The following PTPRD variants were observed in gnomAD, a reference collection of about 807,000 sequenced individuals.
The protein encoded by PTPRD is protein tyrosine phosphatase receptor type D.
In PTPRD, 34 loss-of-function variants were observed where a neutral mutation model predicts 214.5. That is an observed-to-expected ratio of 0.16 (90% CI 0.12 to 0.21). PTPRD has a LOEUF of 0.21. Among genes scored for constraint, PTPRD ranks in the 10% least tolerant of loss-of-function variants. The pLI is 1.00. For missense variants in PTPRD, 2,545 were observed against 2,398.7 expected, an observed-to-expected ratio of 1.06 and a Z score of -1.27; for synonymous variants, 1,128 against 845.7, an observed-to-expected ratio of 1.33 and a Z score of -5.79.
chr9:8,483,579 G>A (rs1019026384), intron 30 of PTPRD, among the ~76,000 whole-genome samples: 3 of 151,876 alleles, frequency 2.0e-5, no homozygotes, highest in African/African-American at 7.3e-5. Context: ...GGTGAAACCC[G>A]GTCTCTACTA....
chr9:9,946,057 G>GTTGGGAAAGCCACCCTTCCCTTTCCCAC (rs2092501672), intron 4 of PTPRD, among the ~76,000 whole-genome samples: 1 of 151,118 alleles, frequency 6.6e-6, no homozygotes, highest in African/African-American at 2.4e-5. Context: ...TCCTTTCCCA[G>GTTGGGAAAGCCACCCTTCCCTTTCCCAC]TTGGGAAAGT....
intron 7 of PTPRD, among the ~76,000 whole-genome samples, chr9:9,588,754 G>T (rs1271373465): frequency 2.0e-5 from 3 of 151,916 alleles, no homozygotes; most frequent in Non-Finnish European, 4.4e-5. Flanking sequence ...TACGGGAACT[G>T]CATCAATATG....
At chr9:9,866,557 C>T (rs537222594) in intron 5 of PTPRD, among the ~76,000 whole-genome samples, 148 of 152,140 alleles carry the variant, frequency 9.7e-4, no homozygotes, top group African/African-American at 3.2e-3. Flanking sequence ...ATATACATAA[C>T]TATCCGCTCA....
intron 2 of PTPRD, among the ~76,000 whole-genome samples, chr9:10,609,573 A>T (rs2133750639): frequency 6.6e-6 from 1 of 151,998 alleles, no homozygotes; most frequent in Admixed American, 6.6e-5. Context: ...CTTTTCACTT[A>T]CTCTCCAGCA....
chr9:9,643,587 A>G lies in PTPRD; in HGVS notation c.-286-68806T>C, dbSNP rs549653090. Among the ~76,000 whole-genome samples the G allele has an allele frequency of 2.0e-5, 3 of 152,308 alleles. No homozygotes were observed. In the South Asian group the frequency reaches 6.2e-4, roughly 32 times the overall value. On this transcript the variant is annotated intron_variant, in intron 7 of 45. Transcript: ENST00000381196. ...TCCTTTCTTAGCATCCTCACCTTAT[A>G]AAATTAATAGATCCTCACTTTTAAA...
chr9:8,339,423 A>G (rs925728535), intron 42 of PTPRD, among the ~76,000 whole-genome samples: 1 of 152,122 alleles, frequency 6.6e-6, no homozygotes, highest in Non-Finnish European at 1.5e-5. Context: ...GCACCACCAC[A>G]GCATACTTGC....
At chr9:9,172,030 A>C (rs1159557782) in intron 10 of PTPRD, among the ~76,000 whole-genome samples, 1 of 152,142 alleles carries the variant, frequency 6.6e-6, no homozygotes, top group Non-Finnish European at 1.5e-5. Flanking sequence ...TTAGTAATTC[A>C]GGTAACTCAC....
At chr9:10,047,194 G>A (rs1305316329) in intron 3 of PTPRD, among the ~76,000 whole-genome samples, 1 of 151,432 alleles carries the variant, frequency 6.6e-6, no homozygotes, top group Non-Finnish European at 1.5e-5. Flanking sequence ...ATGAAGGAGT[G>A]GCACTGGTGT....
At chr9:8,999,634 T>A (rs1247935205) in intron 11 of PTPRD, among the ~76,000 whole-genome samples, 1 of 151,998 alleles carries the variant, frequency 6.6e-6, no homozygotes, top group Non-Finnish European at 1.5e-5. Flanking sequence ...CGAGGTATGC[T>A]TTTAAAAATA....
Position 8,317,575 on chromosome 9 carries a change from T to C in PTPRD, c.*299A>G. ...AAGCAATCCTGAATAAGATGGTGGT[T>C]CTTTGCTGTGATTTCTTCTTCCCTT... On this transcript the variant is annotated 3_prime_UTR_variant, in exon 46 of 46. Coordinates refer to ENST00000381196, the MANE Select transcript of PTPRD (RefSeq NM_002839.4). The C allele has an allele frequency of 3.1e-6, 1 of 322,346 alleles. No individual in the cohort carries two copies. Among genetic ancestry groups the C allele is most frequent in the Non-Finnish European group, 5.9e-6 (1 of 168,478 alleles). The allele number at this position is 322,346 out of a possible 1,614,324, so 20.0% of individuals were successfully genotyped here. A position where few individuals can be genotyped will look rare whatever the true frequency, so the allele number is the denominator to read the frequency against.
chr9:8,718,177 C>T (rs1335139646), intron 12 of PTPRD, among the ~76,000 whole-genome samples: 2 of 152,074 alleles, frequency 1.3e-5, no homozygotes, highest in Admixed American at 6.6e-5. Context: ...TGTTGGTGAT[C>T]ATAATTTGTC....
intron 2 of PTPRD, among the ~76,000 whole-genome samples, chr9:10,499,937 C>G (rs150700750): frequency 1.3e-5 from 2 of 151,806 alleles, no homozygotes; most frequent in East Asian, 3.9e-4. Flanking sequence ...AGCAGAGATT[C>G]CTGGAGGATG....
intron 36 of PTPRD, among the ~76,000 whole-genome samples, chr9:8,401,472 G>GT (rs2092381490): frequency 6.6e-6 from 1 of 152,122 alleles, no homozygotes; most frequent in South Asian, 2.1e-4. Flanking sequence ...ATTCAATTCT[G>GT]TTTCCATACT....
intron 10 of PTPRD, among the ~76,000 whole-genome samples, chr9:9,019,328 GAA>G (rs1569429615): frequency 1.7e-3 from 60 of 36,040 alleles, no homozygotes; most frequent in African/African-American, 2.8e-3. Context: ...AAGAAAGAAA[GAA>G]AGAAAGAACG....
rs986438033 is a variant in PTPRD at position 9,840,788 on chromosome 9, A to C, written c.-367-73937T>G. Among the ~76,000 whole-genome samples, 13 of 144,586 alleles carry C rather than the reference A, an allele frequency of 9.0e-5. No homozygotes were observed. In the South Asian group the frequency reaches 2.8e-3, roughly 31 times the overall value. The allele number at this position is 144,586 out of a possible 152,430, so 94.9% of individuals were successfully genotyped here. A position where few individuals can be genotyped will look rare whatever the true frequency, so the allele number is the denominator to read the frequency against. Reference sequence around the variant, plus strand: ...AAAAAAAAAAAAAAAAAAAAAAAAAAAAAAAAAAAAACAGAAAGGGGAAGG... The same window carrying C: ...AAAAAAAAAAAAAAAAAAAAAAAAACAAAAAAAAAAACAGAAAGGGGAAGG... On this transcript the variant is annotated intron_variant, in intron 5 of 45. Coordinates refer to ENST00000381196, the MANE Select transcript of PTPRD (RefSeq NM_002839.4).
chr9:8,901,739 A>G (rs10815990), intron 11 of PTPRD, among the ~76,000 whole-genome samples: 22,883 of 152,210 alleles, frequency 0.15, 2,218 homozygotes, highest in Non-Finnish European at 0.21. Context: ...ATTGCATCAC[A>G]TTATTCATTG....
intron 11 of PTPRD, among the ~76,000 whole-genome samples, chr9:8,741,844 C>T (rs1269026343): frequency 6.6e-6 from 1 of 152,006 alleles, no homozygotes; most frequent in Admixed American, 6.6e-5. Flanking sequence ...CCATCTCAGC[C>T]TCCCAAAGTG....
In PTPRD at chr9:9,431,774, A is replaced by G. The variant is rs867306595; in HGVS notation, c.-236-34292T>C. Among the ~76,000 whole-genome samples the G allele has an allele frequency of 1.1e-3, 163 of 151,886 alleles. 1 individual carries two copies. Among genetic ancestry groups the G allele is most frequent in the African/African-American group, 3.8e-3 (156 of 41,410 alleles). On this transcript the variant is annotated intron_variant, in intron 8 of 45. Transcript: ENST00000381196. ...TGTAGGGAGATGGATGAAGCTGGAA[A>G]CCATCATTCTGAGCAAACTATCACA... is the stretch of plus-strand genomic sequence containing the variant.
intron 4 of PTPRD, among the ~76,000 whole-genome samples, chr9:9,995,512 A>G (rs1555446403): frequency 6.6e-6 from 1 of 152,072 alleles, no homozygotes; most frequent in Non-Finnish European, 1.5e-5. Context: ...CTTCAGATCC[A>G]TTCTCCCTTT....
Sources: allele counts gnomAD v4.1 joint callset (sites outside exome capture counted in the v4.1 genomes callset), GRCh38; gene constraint gnomAD v4.1.1; transcripts MANE v1.5; gene names NCBI Gene and HGNC (gene_info 2026-07-23, HGNC 2026-07-21).